The following BRF1 variants were observed in gnomAD, a reference collection of about 807,000 sequenced individuals.
BRF1 encodes the protein transcription factor IIIB 90 kDa subunit.
Under a neutral mutation model 81.7 loss-of-function variants are expected in BRF1, and 59 were observed. The ratio of observed to expected loss-of-function variants is 0.72; its 90% CI spans 0.59 to 0.90. The LOEUF is 0.90. Ranked by LOEUF, BRF1 falls within the 40% of genes least tolerant of loss-of-function variation. The pLI is 0.00. For missense variants in BRF1, 1,050 were observed against 936.3 expected, an observed-to-expected ratio of 1.12 and a Z score of -1.58; for synonymous variants, 491 against 395.6, an observed-to-expected ratio of 1.24 and a Z score of -2.86.
chr14:105,217,393 G>T, intron 15 of BRF1, 151 bp downstream of exon 15: 2 of 1,255,980 alleles, frequency 1.6e-6, no homozygotes, highest in Non-Finnish European at 2.2e-6. Flanking sequence ...GCCGGAGAAG[G>T]CCCACCAGTC....
At chr14:105,273,373 C>T (rs745597145) in intron 2 of BRF1, among the ~76,000 whole-genome samples, 8 of 152,214 alleles carry the variant, frequency 5.3e-5, no homozygotes, top group Non-Finnish European at 1.0e-4. Flanking sequence ...CTCAGCCCTG[C>T]GCCCGCCAGC....
chr14:105,218,643 C>CGTG (rs1185663190), intron 14 of BRF1, among the ~76,000 whole-genome samples: 2 of 152,222 alleles, frequency 1.3e-5, no homozygotes, highest in Non-Finnish European at 2.9e-5. Flanking sequence ...GGCAGGGAGG[C>CGTG]ATGACAGTCG....
At chr14:105,228,944 C>A in intron 6 of BRF1, 31 bp from the exon 7 acceptor site, 7 of 1,606,440 alleles carry the variant, frequency 4.4e-6, no homozygotes, top group Non-Finnish European at 6.0e-6. Flanking sequence ...CCTCGTCAAC[C>A]ACGGCTGGGA....
chr14:105,281,015 G>A (rs1453603518), intron 2 of BRF1, among the ~76,000 whole-genome samples: 1 of 144,332 alleles, frequency 6.9e-6, no homozygotes, highest in African/African-American at 2.6e-5. Context: ...TACAGCCTGC[G>A]TGACCCTGAG....
At chr14:105,244,245 C>A (rs2054921019) in intron 5 of BRF1, among the ~76,000 whole-genome samples, 2 of 152,026 alleles carry the variant, frequency 1.3e-5, no homozygotes, top group South Asian at 2.1e-4. Context: ...GAGTTTGAAA[C>A]CAGCCTAGGC....
intron 15 of BRF1, among the ~76,000 whole-genome samples, chr14:105,215,161 GCACA>G (rs1409310310): frequency 6.6e-6 from 1 of 152,272 alleles, no homozygotes; most frequent in East Asian, 1.9e-4. Context: ...AGATGTGTGT[GCACA>G]CAGACTCACA....
At chr14:105,299,177 G>GA (rs1166337256) in intron 1 of BRF1, among the ~76,000 whole-genome samples, 1 of 151,232 alleles carries the variant, frequency 6.6e-6, no homozygotes, top group Non-Finnish European at 1.5e-5. Flanking sequence ...CATCTCAAAA[G>GA]AAAAAAAACT....
At chr14:105,289,641 T>TC (rs1218833055) in intron 1 of BRF1, among the ~76,000 whole-genome samples, 1 of 152,138 alleles carries the variant, frequency 6.6e-6, no homozygotes, top group Non-Finnish European at 1.5e-5. Context: ...CAGTGTGTAT[T>TC]CTTTTTTTTT....
At chr14:105,217,443 GTGGCCCCGGC>G (rs1891513886) in intron 15 of BRF1, 91 bp downstream of exon 15, 1 of 1,535,370 alleles carries the variant, frequency 6.5e-7, no homozygotes, top group African/African-American at 1.4e-5. Flanking sequence ...AGGCACTTCT[GTGGCCCCGGC>G]TGGCCCCCGG....
chr14:105,226,823 A>C (rs1454758364), intron 7 of BRF1, 63 bp from the exon 8 acceptor site: 1 of 1,607,742 alleles, frequency 6.2e-7, no homozygotes, highest in Non-Finnish European at 8.5e-7. Context: ...TTTAAAACTG[A>C]GCTTTCGCCT....
chr14:105,229,664 C>CT (rs1334572270), intron 6 of BRF1, among the ~76,000 whole-genome samples: 1 of 141,984 alleles, frequency 7.0e-6, no homozygotes, highest in African/African-American at 2.7e-5. Flanking sequence ...CTGGCAGCCC[C>CT]GTGGCACCCT....
intron 1 of BRF1, among the ~76,000 whole-genome samples, chr14:105,296,843 G>C (rs1007859954): frequency 4.6e-5 from 7 of 152,092 alleles, no homozygotes; most frequent in Admixed American, 4.6e-4. Flanking sequence ...TCCTAATAGA[G>C]CTTAGGTACA....
rs1050718226 is a variant in BRF1 at position 105,228,742 on chromosome 14, C to A, written c.788+78G>T. 5 of 1,535,942 alleles carry A rather than the reference C, an allele frequency of 3.3e-6. No homozygotes were observed. In the African/African-American group the frequency reaches 5.5e-5, roughly 17 times the overall value. Reference sequence around the variant, plus strand: ...GACGGCAGGGTCCCGGGAGGTGGCGCCTGCTCTGGCAAGCAGGCCTGAGCT... The same window carrying A: ...GACGGCAGGGTCCCGGGAGGTGGCGACTGCTCTGGCAAGCAGGCCTGAGCT... On this transcript the variant is annotated intron_variant, in intron 7 of 17. Transcript: ENST00000547530.
chr14:105,280,485 C>T (rs886191328), intron 2 of BRF1, among the ~76,000 whole-genome samples: 8 of 152,270 alleles, frequency 5.3e-5, no homozygotes, highest in East Asian at 1.9e-4. Context: ...CCATAGAACA[C>T]GCACCGCCCA....
intron 6 of BRF1, 112 bp from the exon 7 acceptor site, chr14:105,229,025 G>A (rs1399168593): frequency 4.1e-6 from 4 of 967,580 alleles, no homozygotes; most frequent in African/African-American, 3.2e-5. Flanking sequence ...GGCCTGAGAA[G>A]ACGTGTCTGT....
At chr14:105,241,200 G>T in intron 6 of BRF1, 65 bp downstream of exon 6, 9 of 1,586,560 alleles carry the variant, frequency 5.7e-6, no homozygotes, top group Admixed American at 5.1e-5. Context: ...CAGCACTCAG[G>T]AGTCAGGAAA....
intron 10 of BRF1, among the ~76,000 whole-genome samples, chr14:105,224,967 C>G (rs1169970801): frequency 6.6e-6 from 1 of 152,250 alleles, no homozygotes; most frequent in African/African-American, 2.4e-5. Flanking sequence ...CACCTGATCC[C>G]CAGAGAGCAG....
rs1415147111 is a variant in BRF1, at chr14:105,209,508, C to A, written c.*1043G>T. ...GCACGGCTCTGCCTCAAGGCCACCC[C>A]CTCCTAAGGACACAGGGTGAAGCCC... On this transcript the variant is annotated 3_prime_UTR_variant, in exon 18 of 18. Coordinates refer to ENST00000547530, the MANE Select transcript of BRF1 (RefSeq NM_001519.4). 1.4e-6 allele frequency: 1 copy of A among 702,194 alleles called. No individual in the cohort carries two copies. The highest frequency in any genetic ancestry group is 2.6e-6 in the Non-Finnish European group (1 of 384,676). 43.5% of individuals were successfully genotyped at this position (702,194 alleles called of 1,614,324 possible). A position where few individuals can be genotyped will look rare whatever the true frequency, so the allele number is the denominator to read the frequency against.
In BRF1 at chr14:105,250,457, C is replaced by T. The variant is rs1202066535; in HGVS notation, c.544+2050G>A. On this transcript the variant is annotated intron_variant, in intron 5 of 17. Coordinates refer to ENST00000547530, the MANE Select transcript of BRF1 (RefSeq NM_001519.4). ...GTCAGACGGATCCAGTAACACCTTC[C>T]CGGTCTGGTTTGAACACCCGGTCCA... 4.3e-6 allele frequency: 7 copies of T among 1,613,902 alleles called. No homozygotes were observed. The Admixed American group carries it at 1.2e-4, about 27-fold the overall frequency.
Sources: allele counts gnomAD v4.1 joint callset (sites outside exome capture counted in the v4.1 genomes callset), GRCh38; gene constraint gnomAD v4.1.1; transcripts MANE v1.5; gene names NCBI Gene and HGNC (gene_info 2026-07-23, HGNC 2026-07-21).